FOXP2: variants seen among roughly 807,000 people sequenced by gnomAD.
FOXP2 encodes forkhead box protein P2.
Under a neutral mutation model 115.8 loss-of-function variants are expected in FOXP2, and 12 were observed. The observed-to-expected ratio is 0.10, with a 90% CI of 0.07 to 0.17. The LOEUF (loss-of-function observed/expected upper bound fraction) is 0.17, where lower values mean the gene tolerates loss of function less well. Among genes scored for constraint, FOXP2 ranks in the 10% least tolerant of loss-of-function variants. The pLI, the probability that FOXP2 is intolerant of heterozygous loss-of-function variation, is 1.00. For missense variants in FOXP2, 629 were observed against 843.5 expected (o/e 0.75, Z 3.15); for synonymous variants, 328 against 297.7 (o/e 1.10, Z -1.05).
chr7:114,596,336 C>T (rs1040723215), intron 3 of FOXP2, among the ~76,000 whole-genome samples: 1 of 151,922 alleles, frequency 6.6e-6, no homozygotes, highest in Non-Finnish European at 1.5e-5. Flanking sequence ...GTAGCAGTGC[C>T]CAGATTGCAA....
chr7:114,520,626 C>A (rs943270996), intron 2 of FOXP2, among the ~76,000 whole-genome samples: 1 of 151,872 alleles, frequency 6.6e-6, no homozygotes, highest in Non-Finnish European at 1.5e-5. Flanking sequence ...TTCACTAATT[C>A]TAAGTGAAAA....
intron 2 of FOXP2, among the ~76,000 whole-genome samples, chr7:114,440,355 A>T: frequency 6.6e-6 from 1 of 152,226 alleles, no homozygotes; most frequent in East Asian, 1.9e-4. Flanking sequence ...CTATAATTCA[A>T]ATATATCCCC....
intron 1 of FOXP2, among the ~76,000 whole-genome samples, chr7:114,265,789 C>A (rs1273195276): frequency 6.6e-6 from 1 of 152,132 alleles, no homozygotes; most frequent in Admixed American, 6.5e-5. Flanking sequence ...ACTCTGTGCA[C>A]CCACAGGCTT....
At chr7:114,274,360 T>TA (rs1475752818) in intron 1 of FOXP2, among the ~76,000 whole-genome samples, 1 of 152,030 alleles carries the variant, frequency 6.6e-6, no homozygotes. Context: ...ATAAGAAAAA[T>TA]AAAAGTTTTA....
At chr7:114,386,820 T>A (rs2129193257) in intron 2 of FOXP2, among the ~76,000 whole-genome samples, 1 of 152,352 alleles carries the variant, frequency 6.6e-6, no homozygotes, top group South Asian at 2.1e-4. Context: ...TCAATGACAT[T>A]TAGTTTTCTT....
chr7:114,349,671 C>CTG (rs66836962), intron 2 of FOXP2, among the ~76,000 whole-genome samples: 64,344 of 149,528 alleles, frequency 0.43, 15,179 homozygotes, highest in Middle Eastern at 0.53. Context: ...GTGTGTGTGT[C>CTG]TGTGTGTGTG....
intron 1 of FOXP2, among the ~76,000 whole-genome samples, chr7:114,256,085 C>A (rs997674086): frequency 9.9e-5 from 15 of 152,074 alleles, no homozygotes; most frequent in Non-Finnish European, 1.9e-4. Context: ...CATTGCCATT[C>A]TGATTGGCAT....
intron 2 of FOXP2, among the ~76,000 whole-genome samples, chr7:114,353,746 G>A (rs1268620823): frequency 6.6e-6 from 1 of 151,976 alleles, no homozygotes; most frequent in Non-Finnish European, 1.5e-5. Context: ...GTCATCTACT[G>A]ATCTGTAGGC....
intron 16 of FOXP2, among the ~76,000 whole-genome samples, chr7:114,670,270 A>C (rs986963843): frequency 3.3e-5 from 5 of 152,072 alleles, no homozygotes; most frequent in Non-Finnish European, 7.4e-5. Context: ...TAAGAAAATT[A>C]ATTTATTGTG....
At chr7:114,499,134 A>G in intron 2 of FOXP2, 3 of 513,418 alleles carry the variant, frequency 5.8e-6, no homozygotes, top group Non-Finnish European at 6.9e-6. Flanking sequence ...CCACTGGCCT[A>G]GAAGAAATGA....
intron 2 of FOXP2, among the ~76,000 whole-genome samples, chr7:114,313,522 G>A (rs1371458836): frequency 1.8e-5 from 1 of 54,218 alleles, no homozygotes; most frequent in Non-Finnish European, 3.3e-5. Flanking sequence ...GAGGCGGGCG[G>A]ATCACGAGGT....
At chr7:114,236,551 G>A (rs1423589591) in intron 1 of FOXP2, among the ~76,000 whole-genome samples, 1 of 152,098 alleles carries the variant, frequency 6.6e-6, no homozygotes, top group South Asian at 2.1e-4. Flanking sequence ...TCCTTCCACA[G>A]GTATTTATTA....
intron 16 of FOXP2, chr7:114,664,731 G>T: frequency 2.5e-6 from 1 of 405,088 alleles, no homozygotes. Flanking sequence ...CATCTTATGG[G>T]TCATTATCAC....
intron 3 of FOXP2, among the ~76,000 whole-genome samples, chr7:114,546,894 G>A (rs1799952340): frequency 6.6e-6 from 1 of 152,132 alleles, no homozygotes; most frequent in East Asian, 1.9e-4. Flanking sequence ...TTGACACATG[G>A]TAGATGCTAA....
intron 1 of FOXP2, among the ~76,000 whole-genome samples, chr7:114,246,596 C>G (rs1033772464): frequency 3.3e-5 from 5 of 151,892 alleles, no homozygotes; most frequent in African/African-American, 1.2e-4. Flanking sequence ...TCAAATAAGT[C>G]CTAGGTAACT....
chr7:114,450,359 T>G (rs914131392), intron 2 of FOXP2, among the ~76,000 whole-genome samples: 1 of 152,076 alleles, frequency 6.6e-6, no homozygotes, highest in Non-Finnish European at 1.5e-5. Context: ...ATGAACTTAA[T>G]CAGGCCTGCC....
At chr7:114,594,995 A>G (rs915000287) in intron 3 of FOXP2, among the ~76,000 whole-genome samples, 1 of 152,050 alleles carries the variant, frequency 6.6e-6, no homozygotes. Flanking sequence ...AGTGATTTCA[A>G]ACCTCGTACT....
intron 3 of FOXP2, among the ~76,000 whole-genome samples, chr7:114,584,316 CT>C (rs1164625825): frequency 6.6e-6 from 1 of 152,082 alleles, no homozygotes; most frequent in Non-Finnish European, 1.5e-5. Flanking sequence ...AACACTTTGG[CT>C]TTGCTTTTCT....
At chr7:114,387,247 A>G (rs1562898624) in intron 2 of FOXP2, among the ~76,000 whole-genome samples, 2 of 152,178 alleles carry the variant, frequency 1.3e-5, no homozygotes, top group South Asian at 4.1e-4. Flanking sequence ...TTTGGGGAGT[A>G]GAGTCATTCT....
Sources: gnomAD v4.1 joint callset for allele counts (sites outside exome capture counted in the v4.1 genomes callset) on GRCh38, gnomAD v4.1.1 for gene constraint, MANE v1.5 for transcripts, NCBI Gene and HGNC (gene_info 2026-07-23, HGNC 2026-07-21) for gene names.